RBM26: variants seen among roughly 807,000 people sequenced by gnomAD.
RBM26 encodes RNA-binding protein 26.
RBM26 carries 30 observed loss-of-function variants against 123.6 expected under a neutral mutation model. The ratio of observed to expected loss-of-function variants is 0.24; its 90% confidence interval spans 0.18 to 0.33. The LOEUF is 0.33. Ranked by LOEUF, RBM26 falls within the 10% of genes least tolerant of loss-of-function variation. The pLI, the probability that RBM26 is intolerant of heterozygous loss-of-function variation, is 1.00. For synonymous variants in RBM26, 400 were observed against 404.4 expected (o/e 0.99, Z 0.13); for missense variants, 947 against 1,203.6 (o/e 0.79, Z 3.15).
intron 14 of RBM26, among the ~76,000 whole-genome samples, chr13:79,349,452 T>G (rs185985456): frequency 6.6e-6 from 1 of 152,202 alleles, no homozygotes; most frequent in East Asian, 1.9e-4. Flanking sequence ...AAACAAAGAT[T>G]AAAAAACTTG....
chr13:79,331,118 C>A (rs2069245208), intron 20 of RBM26, among the ~76,000 whole-genome samples: 1 of 152,112 alleles, frequency 6.6e-6, no homozygotes, highest in Non-Finnish European at 1.5e-5. Context: ...TCAGGTGATC[C>A]TCCCACCTTA....
At chr13:79,350,127 T>C (rs1234836070) in intron 14 of RBM26, among the ~76,000 whole-genome samples, 2 of 152,240 alleles carry the variant, frequency 1.3e-5, no homozygotes, top group Non-Finnish European at 2.9e-5. Context: ...AGTTTCTCTA[T>C]AACATGCAAT....
chr13:79,383,642 A>T (rs185125070), intron 1 of RBM26, among the ~76,000 whole-genome samples: 2 of 147,696 alleles, frequency 1.4e-5, no homozygotes, highest in Non-Finnish European at 3.0e-5. Flanking sequence ...TTTTAGAAAC[A>T]TCACTGTTGC....
chr13:79,341,291 T>C, intron 17 of RBM26, 64 bp from the exon 18 acceptor site: 1 of 1,055,116 alleles, frequency 9.5e-7, no homozygotes, highest in Non-Finnish European at 1.4e-6. Context: ...TACAAACCTT[T>C]TTAAAGTAAC....
intron 16 of RBM26, among the ~76,000 whole-genome samples, chr13:79,343,312 G>C (rs901011824): frequency 1.3e-5 from 2 of 151,716 alleles, no homozygotes; most frequent in Non-Finnish European, 3.0e-5. Context: ...TTTTTCACCT[G>C]AGAATGGTAT....
At chr13:79,326,447 G>GTAAAAA (rs1426280377) in intron 20 of RBM26, among the ~76,000 whole-genome samples, 2 of 152,024 alleles carry the variant, frequency 1.3e-5, no homozygotes, top group African/African-American at 2.4e-5. Context: ...GGACCTAAAT[G>GTAAAAA]TAAAAATCCA....
At chr13:79,332,778 T>G (rs1398572678) in intron 20 of RBM26, among the ~76,000 whole-genome samples, 1 of 152,128 alleles carries the variant, frequency 6.6e-6, no homozygotes, top group Non-Finnish European at 1.5e-5. Context: ...ATACATTGTA[T>G]ACACGCCTAA....
At chr13:79,335,130 C>A (rs948005727) in intron 19 of RBM26, among the ~76,000 whole-genome samples, 1 of 151,988 alleles carries the variant, frequency 6.6e-6, no homozygotes, top group Non-Finnish European at 1.5e-5. Flanking sequence ...ATTATCAATA[C>A]CTTCCTAATT....
At position 79,405,808 on chromosome 13, in the gene RBM26, G is replaced by C. The variant is rs373629208; in HGVS notation, c.-34C>G. 1 of 1,398,706 alleles carries C rather than the reference G, an allele frequency of 7.1e-7. No individual in the cohort carries two copies. The highest frequency in any genetic ancestry group is 9.7e-7 in the Non-Finnish European group (1 of 1,033,980). 86.6% of individuals were successfully genotyped at this position (1,398,706 alleles called of 1,614,324 possible). ...GCCCTAAGGCCCGTCACACTCCTCCGCCCGCCCAGGTCGCGGCCGCTACAG... is the reference window on the plus strand; with the variant it reads ...GCCCTAAGGCCCGTCACACTCCTCCCCCCGCCCAGGTCGCGGCCGCTACAG... On this transcript the variant is annotated 5_prime_UTR_variant, in exon 1 of 22. Transcript: ENST00000438737.
chr13:79,384,358 A>C (rs947922719), intron 1 of RBM26, among the ~76,000 whole-genome samples: 1 of 151,828 alleles, frequency 6.6e-6, no homozygotes, highest in African/African-American at 2.4e-5. Flanking sequence ...ACTCCTGCCA[A>C]GAGATCCTCC....
intron 11 of RBM26, among the ~76,000 whole-genome samples, chr13:79,356,369 CAAA>C (rs72305160): frequency 4.8e-4 from 40 of 83,492 alleles, no homozygotes; most frequent in Non-Finnish European, 8.5e-4. Flanking sequence ...GACTCTGTCT[CAAA>C]AAAAAAAAAA....
intron 9 of RBM26, among the ~76,000 whole-genome samples, chr13:79,361,615 G>A (rs1454977114): frequency 6.6e-6 from 1 of 152,132 alleles, no homozygotes; most frequent in African/African-American, 2.4e-5. Context: ...GGACCTCTCA[G>A]GAGAATTTGC....
chr13:79,320,926 A>G (rs945723256), intron 21 of RBM26, among the ~76,000 whole-genome samples: 2 of 151,302 alleles, frequency 1.3e-5, no homozygotes, highest in African/African-American at 2.4e-5. Flanking sequence ...CACACTAAAC[A>G]AATATCAAAT....
Position 79,359,664 on chromosome 13 carries a change from A to G in RBM26, c.1440T>C (p.Ser480=). 3 of 1,574,730 alleles carry G rather than the reference A, an allele frequency of 1.9e-6. No individual in the cohort carries two copies. The highest frequency in any genetic ancestry group is 2.6e-6 in the Non-Finnish European group (3 of 1,164,100). The change falls in exon 10 of 22, where the codon AGT becomes AGC. Residue 480 remains serine (S), a synonymous_variant. Transcript: ENST00000438737. ...ATTCTGAGTCCACTACTATCCTCAT[A>G]CTGCTTTTATTGGGAGGCTTTTCTG... ...PPREKPPNKS[S]MRIVVDSESR... is the part of the protein sequence containing the mutation.
chr13:79,333,929 G>C (rs750353730), intron 20 of RBM26, among the ~76,000 whole-genome samples: 2 of 152,114 alleles, frequency 1.3e-5, no homozygotes, highest in Non-Finnish European at 2.9e-5. Context: ...GGAAGCAGTA[G>C]ATGAGGAATG....
Position 79,403,452 on chromosome 13 carries a change from C to T in RBM26, c.71+2252G>A, listed in dbSNP as rs145282438. On this transcript the variant is annotated intron_variant, in intron 1 of 21. Coordinates refer to ENST00000438737, the MANE Select transcript of RBM26 (RefSeq NM_001366735.2). ...ACACTCTAAGTAGCTACAGTCTTCTCATTTAGGTAAGATGGAGGGATACGG... is the reference window on the plus strand; with the variant it reads ...ACACTCTAAGTAGCTACAGTCTTCTTATTTAGGTAAGATGGAGGGATACGG... 2.5e-3 allele frequency among the ~76,000 whole-genome samples: 380 copies of T among 152,260 alleles called. 1 individual carries two copies. Among genetic ancestry groups the T allele is most frequent in the Non-Finnish European group, 4.3e-3 (291 of 68,012 alleles).
intron 2 of RBM26, among the ~76,000 whole-genome samples, chr13:79,378,119 T>C (rs573894391): frequency 6.6e-6 from 1 of 152,270 alleles, no homozygotes; most frequent in African/African-American, 2.4e-5. Context: ...CTACTCAGTG[T>C]TGCAAACACA....
At chr13:79,346,760 C>G (rs1051628553) in intron 14 of RBM26, among the ~76,000 whole-genome samples, 2 of 152,144 alleles carry the variant, frequency 1.3e-5, no homozygotes, top group African/African-American at 4.8e-5. Context: ...TGCTACCTAA[C>G]CACAGCACAA....
intron 1 of RBM26, among the ~76,000 whole-genome samples, chr13:79,392,590 T>G (rs1181160752): frequency 6.8e-6 from 1 of 147,118 alleles, no homozygotes; most frequent in Non-Finnish European, 1.5e-5. Context: ...AATTTATATA[T>G]ATTTATATAT....
Sources: allele counts gnomAD v4.1 joint callset (sites outside exome capture counted in the v4.1 genomes callset), GRCh38; gene constraint gnomAD v4.1.1; transcripts MANE v1.5; gene names NCBI Gene and HGNC (gene_info 2026-07-23, HGNC 2026-07-21).